The following IL19 variants were observed in gnomAD, a reference collection of about 807,000 sequenced individuals.
IL19 encodes interleukin-19.
In IL19, 15 loss-of-function variants were observed where a neutral mutation model predicts 19.5. That is an observed-to-expected ratio of 0.77 (90% CI 0.52 to 1.19). The LOEUF is 1.19. Ranked by LOEUF, IL19 falls within the 50% of genes most tolerant of loss-of-function variation. The probability of loss-of-function intolerance (pLI) is 0.00; values close to 1 mark genes in which losing one functional copy is unlikely to be tolerated. For missense variants in IL19, 199 were observed against 213.1 expected (o/e 0.93, Z 0.41); for synonymous variants, 78 against 78.3 (o/e 1.00, Z 0.02).
Position 206,830,690 on chromosome 1 carries a change from C to T in IL19, c.-2-5971C>T, listed in dbSNP as rs1165490202. The stretch of plus-strand genomic sequence containing the variant: ...GCCTCCCGGGTTCATGCCATTCTCC[C>T]GCCTCTGCCTGCCGAGTAGCTGGAA... On this transcript the variant is annotated intron_variant, in intron 2 of 6. Coordinates refer to ENST00000659997, the MANE Select transcript of IL19 (RefSeq NM_153758.5). Among the ~76,000 whole-genome samples, 4 of 152,070 alleles carry T rather than the reference C, an allele frequency of 2.6e-5. No individual in the cohort carries two copies. In the East Asian group the frequency reaches 5.8e-4, roughly 22 times the overall value.
intron 4 of IL19, among the ~76,000 whole-genome samples, chr1:206,837,270 G>C (rs1171336550): frequency 6.6e-6 from 1 of 152,120 alleles, no homozygotes; most frequent in East Asian, 1.9e-4. Context: ...GCTCAGAGGG[G>C]ACAGGATTTC....
At chr1:206,838,920 A>C (rs1676900979) in intron 4 of IL19, among the ~76,000 whole-genome samples, 1 of 152,158 alleles carries the variant, frequency 6.6e-6, no homozygotes, top group South Asian at 2.1e-4. Flanking sequence ...GGTTAAGAGA[A>C]TCAGCAACAG....
intron 2 of IL19, among the ~76,000 whole-genome samples, chr1:206,829,936 G>T (rs185961362): frequency 6.6e-6 from 1 of 152,230 alleles, no homozygotes. Context: ...ATGTGGATTT[G>T]TGCTTCCCTC....
rs112547573 is a variant in IL19 at position 206,809,292 on chromosome 1, C to T, written c.-3+10286C>T. Among the ~76,000 whole-genome samples, 267 of 151,118 alleles carry T rather than the reference C, an allele frequency of 1.8e-3. 1 individual carries two copies. The highest frequency in any genetic ancestry group is 6.1e-3 in the African/African-American group (250 of 41,090). On this transcript the variant is annotated intron_variant, in intron 2 of 6. Coordinates refer to ENST00000659997, the MANE Select transcript of IL19 (RefSeq NM_153758.5). ...GGAAGGGATAATAATGCATGATTTCCACATACCTATGTGAGATCTCCACAT... is the reference window on the plus strand; with the variant it reads ...GGAAGGGATAATAATGCATGATTTCTACATACCTATGTGAGATCTCCACAT...
At chr1:206,809,542 C>T (rs1044303997) in intron 2 of IL19, among the ~76,000 whole-genome samples, 14 of 152,168 alleles carry the variant, frequency 9.2e-5, no homozygotes, top group African/African-American at 3.4e-4. Flanking sequence ...TATACTGCAC[C>T]ATTGTAGACT....
rs539041260 is a variant in IL19, at chr1:206,788,103, C to T, written c.-148-10758C>T. ...TCTGCAGACCTCTTATTCATCTTCA[C>T]GATCCCGGAGGTGGCTTGAGCAATC... On this transcript the variant is annotated intron_variant, in intron 1 of 6. Coordinates refer to ENST00000659997, the MANE Select transcript of IL19 (RefSeq NM_153758.5). 5.5e-4 allele frequency among the ~76,000 whole-genome samples: 84 copies of T among 152,306 alleles called. 5 individuals are homozygous for T. In the South Asian group the frequency reaches 0.017, roughly 31 times the overall value.
chr1:206,772,633 C>T, intron 1 of IL19: 1 of 595,378 alleles, frequency 1.7e-6, no homozygotes, highest in Non-Finnish European at 3.0e-6. Flanking sequence ...CTCTAATAAA[C>T]TTAGTTTTCA....
chr1:206,818,820 T>TC (rs1438764175), intron 2 of IL19, among the ~76,000 whole-genome samples: 4 of 150,290 alleles, frequency 2.7e-5, no homozygotes, highest in Admixed American at 2.6e-4. Context: ...TTTCTTTCTT[T>TC]TTTTTTTTTT....
At chr1:206,839,659 C>T (rs1357328231) in intron 4 of IL19, among the ~76,000 whole-genome samples, 191 bp from the exon 5 acceptor site, 1 of 152,196 alleles carries the variant, frequency 6.6e-6, no homozygotes, top group African/African-American at 2.4e-5. Flanking sequence ...ACTGGAATCT[C>T]TTCTCACTAT....
chr1:206,792,613 C>T (rs563588593), intron 1 of IL19, among the ~76,000 whole-genome samples: 2 of 152,192 alleles, frequency 1.3e-5, no homozygotes, highest in African/African-American at 4.8e-5. Context: ...CATGCCACCA[C>T]GCCCAGCTAA....
At position 206,834,262 on chromosome 1, in the gene IL19, T is replaced by C. The variant is rs189950739; in HGVS notation, c.-2-2399T>C. The C allele has an allele frequency of 1.4e-4, 141 of 985,278 alleles. No individual in the cohort carries two copies. In the African/African-American group the frequency reaches 2.2e-3, roughly 15 times the overall value. The allele number at this position is 985,278 out of a possible 1,614,324, so 61.0% of individuals were successfully genotyped here. On this transcript the variant is annotated intron_variant, in intron 2 of 6. Coordinates refer to ENST00000659997, the MANE Select transcript of IL19 (RefSeq NM_153758.5). The stretch of plus-strand genomic sequence containing the variant: ...CTAAGAAAACAAGGGGAAAAAACAA[T>C]CTCCCCAAGGTGGATCCACCCAGCA...
intron 5 of IL19, 41 bp downstream of exon 5, chr1:206,840,043 TG>T (rs1558624309): frequency 6.2e-7 from 1 of 1,612,298 alleles, no homozygotes; most frequent in Non-Finnish European, 8.5e-7. Flanking sequence ...GCTCCCTGTC[TG>T]CCCAAGGAGA....
intron 1 of IL19, among the ~76,000 whole-genome samples, chr1:206,773,586 T>TTGTG (rs2234662): frequency 0.07 from 9,208 of 131,758 alleles, 398 homozygotes; most frequent in South Asian, 0.12. Flanking sequence ...TGTCTTGGAT[T>TTGTG]TGTGTGTGTG....
At chr1:206,838,037 A>T (rs1676859944) in intron 4 of IL19, among the ~76,000 whole-genome samples, 1 of 152,244 alleles carries the variant, frequency 6.6e-6, no homozygotes, top group Non-Finnish European at 1.5e-5. Flanking sequence ...ATAAAAGAAA[A>T]TAATAGCAGC....
At position 206,772,770 on chromosome 1, in the gene IL19, G is replaced by A. The variant is rs5743625; in HGVS notation, c.-149+1692G>A. On this transcript the variant is annotated intron_variant, in intron 1 of 6. Transcript: ENST00000659997. ...CAATTAAAAAAAGTTGATTTCCTGG[G>A]GAGAACAGCTGTTCTGTGCGCAGAG... is the stretch of plus-strand genomic sequence containing the variant. Among the ~76,000 whole-genome samples the A allele has an allele frequency of 4.4e-3, 677 of 152,196 alleles. 3 individuals are homozygous for A. Among genetic ancestry groups the A allele is most frequent in the South Asian group, 8.1e-3 (39 of 4,826 alleles).
chr1:206,798,565 A>T (rs568036196), intron 1 of IL19, among the ~76,000 whole-genome samples: 1 of 151,684 alleles, frequency 6.6e-6, no homozygotes, highest in South Asian at 2.1e-4. Flanking sequence ...CTTAAAAGAC[A>T]GTTCTCCCTC....
chr1:206,791,039 C>T (rs1182394086), intron 1 of IL19, among the ~76,000 whole-genome samples: 1 of 152,210 alleles, frequency 6.6e-6, no homozygotes, highest in Non-Finnish European at 1.5e-5. Flanking sequence ...GGCTTTCCCA[C>T]ATCTGGTCAG....
chr1:206,797,213 G>C (rs1351414174), intron 1 of IL19, among the ~76,000 whole-genome samples: 3 of 152,156 alleles, frequency 2.0e-5, no homozygotes, highest in South Asian at 2.1e-4. Context: ...TGCCAAACCT[G>C]TTCATTTCAC....
At chr1:206,838,102 T>C (rs773743649) in intron 4 of IL19, among the ~76,000 whole-genome samples, 1 of 152,236 alleles carries the variant, frequency 6.6e-6, no homozygotes, top group Non-Finnish European at 1.5e-5. Flanking sequence ...TAAATTGTTT[T>C]AGAAAGACAA....
Sources: gnomAD v4.1 joint callset for allele counts (sites outside exome capture counted in the v4.1 genomes callset) on GRCh38, gnomAD v4.1.1 for gene constraint, MANE v1.5 for transcripts, NCBI Gene and HGNC (gene_info 2026-07-23, HGNC 2026-07-21) for gene names.